Variants in NOL4L observed in about 807,000 individuals in gnomAD.
The protein encoded by NOL4L is nucleolar protein 4-like.
NOL4L carries 7 observed loss-of-function variants against 64.5 expected under a neutral mutation model. The ratio of observed to expected loss-of-function variants is 0.11; its 90% CI spans 0.06 to 0.20. NOL4L has a LOEUF of 0.20. Among genes scored for constraint, NOL4L ranks in the 10% least tolerant of loss-of-function variants. The pLI is 1.00. For synonymous variants in NOL4L, 413 were observed against 401.0 expected, an observed-to-expected ratio of 1.03 and a Z score of -0.36; for missense variants, 680 against 967.1, an observed-to-expected ratio of 0.70 and a Z score of 3.94.
chr20:32,528,023 T>A (rs940930823), intron 1 of NOL4L, 110 bp from the exon 2 acceptor site: 1 of 807,892 alleles, frequency 1.2e-6, no homozygotes, highest in Non-Finnish European at 1.8e-6. Context: ...CGACAGTGGG[T>A]CTTGGGGTGG....
intron 4 of NOL4L, 167 bp downstream of exon 4, chr20:32,511,180 T>G (rs1161523564): frequency 1.8e-6 from 1 of 545,224 alleles, no homozygotes. Context: ...GAGAAACACA[T>G]TCTTGCCTCC....
At chr20:32,482,460 G>C (rs1216886501) in intron 4 of NOL4L, among the ~76,000 whole-genome samples, 1 of 152,152 alleles carries the variant, frequency 6.6e-6, no homozygotes, top group Non-Finnish European at 1.5e-5. Context: ...CTGCTCCCGA[G>C]CGGCTGGAAT....
At chr20:32,458,459 C>T (rs1266941398) in intron 5 of NOL4L, among the ~76,000 whole-genome samples, 1 of 152,188 alleles carries the variant, frequency 6.6e-6, no homozygotes, top group East Asian at 1.9e-4. Context: ...TCCCCTGGCC[C>T]AGGGTCATCG....
chr20:32,488,822 TTTCTTTTTCTTTCTTTCTTTCTTTCTTTC>T (rs2016287887), intron 4 of NOL4L, among the ~76,000 whole-genome samples: 3 of 17,824 alleles, frequency 1.7e-4, no homozygotes. Context: ...TCTTTCTTTC[TTTCTTTTTCTTTCTTTCTTTCTTTCTTTC>T]TTTCTTTCTT....
At chr20:32,521,325 C>T (rs921074728) in intron 2 of NOL4L, among the ~76,000 whole-genome samples, 1 of 152,198 alleles carries the variant, frequency 6.6e-6, no homozygotes, top group African/African-American at 2.4e-5. Flanking sequence ...GATAAATTCA[C>T]TGCCCCAGGC....
intron 4 of NOL4L, among the ~76,000 whole-genome samples, chr20:32,494,272 A>AC (rs2016589263): frequency 6.9e-6 from 1 of 143,956 alleles, no homozygotes; most frequent in Non-Finnish European, 1.5e-5. Flanking sequence ...AAAAAAAAAA[A>AC]AAAAAAAAAA....
intron 3 of NOL4L, among the ~76,000 whole-genome samples, chr20:32,518,064 C>A (rs896729783): frequency 6.6e-6 from 1 of 152,174 alleles, no homozygotes; most frequent in Non-Finnish European, 1.5e-5. Context: ...CAGTGGGGAA[C>A]AGGGCTGCAC....
chr20:32,560,707 T>TTCA (rs1978954530), intron 1 of NOL4L, among the ~76,000 whole-genome samples: 1 of 151,960 alleles, frequency 6.6e-6, no homozygotes, highest in Non-Finnish European at 1.5e-5. Flanking sequence ...ACAGCAAGGA[T>TTCA]TTGGTGGAGT....
intron 1 of NOL4L, among the ~76,000 whole-genome samples, chr20:32,528,742 C>A (rs1422871829): frequency 2.0e-5 from 3 of 152,230 alleles, no homozygotes; most frequent in Admixed American, 6.5e-5. Flanking sequence ...AGGGAACGGA[C>A]TGCTGGGGAA....
intron 1 of NOL4L, among the ~76,000 whole-genome samples, chr20:32,581,344 C>T (rs1324629620): frequency 6.6e-6 from 1 of 152,060 alleles, no homozygotes; most frequent in Admixed American, 6.5e-5. Flanking sequence ...CTGCCCTGGG[C>T]CCGTCCGGAC....
rs775631440 is a variant in NOL4L, at chr20:32,452,992, T to C, written c.1512A>G (p.Pro504=). The change falls in exon 9 of 11, where the codon CCA becomes CCG. Residue 504 remains proline, a synonymous_variant. Coordinates refer to ENST00000621426, the MANE Select transcript of NOL4L (RefSeq NM_001256798.2). ...KNGMEMTRPT[P]PHLTSAMAEN... is the part of the protein sequence containing the mutation. ...CTGCCATGGCCGAGGTCAGATGGGG[T>C]GGCGTGGGTCTGGTCTGCAGGCAGA... 4.3e-6 allele frequency: 7 copies of C among 1,613,526 alleles called. No homozygotes were observed. Among genetic ancestry groups the C allele is most frequent in the Non-Finnish European group, 5.9e-6 (7 of 1,179,994 alleles).
Position 32,559,002 on chromosome 20 carries a change from G to A in NOL4L, c.321+25568C>T, listed in dbSNP as rs1489149105. Among the ~76,000 whole-genome samples, 4 of 152,162 alleles carry A rather than the reference G, an allele frequency of 2.6e-5. No individual in the cohort carries two copies. In the East Asian group the frequency reaches 7.7e-4, roughly 29 times the overall value. Reference sequence around the variant, plus strand: ...TATTCCTCCTTGGATAGTGTGTCCCGTATCTCCAGATGTGTAAACTGAGGC... The same window carrying A: ...TATTCCTCCTTGGATAGTGTGTCCCATATCTCCAGATGTGTAAACTGAGGC... On this transcript the variant is annotated intron_variant, in intron 1 of 10. Coordinates refer to ENST00000621426, the MANE Select transcript of NOL4L (RefSeq NM_001256798.2).
chr20:32,494,753 A>G (rs1234604438), intron 4 of NOL4L, among the ~76,000 whole-genome samples: 1 of 152,234 alleles, frequency 6.6e-6, no homozygotes, highest in African/African-American at 2.4e-5. Context: ...ACAAGGTTGG[A>G]GCAATAGCAG....
intron 1 of NOL4L, among the ~76,000 whole-genome samples, chr20:32,569,576 C>G (rs572467167): frequency 6.6e-6 from 1 of 152,248 alleles, no homozygotes; most frequent in Non-Finnish European, 1.5e-5. Context: ...TCAGAGGAGC[C>G]AGACACTAGG....
chr20:32,522,195 C>G (rs568653184), intron 2 of NOL4L, among the ~76,000 whole-genome samples: 27 of 152,346 alleles, frequency 1.8e-4, no homozygotes, highest in Admixed American at 7.8e-4. Flanking sequence ...GCTCAGCCCA[C>G]TGGCAGAGTC....
At chr20:32,505,914 G>T (rs192543368) in intron 4 of NOL4L, among the ~76,000 whole-genome samples, 179 of 152,180 alleles carry the variant, frequency 1.2e-3, no homozygotes, top group African/African-American at 4.0e-3. Flanking sequence ...TTGCTTAATG[G>T]GTACAGAGTT....
chr20:32,581,347 G>T (rs892882932), intron 1 of NOL4L, among the ~76,000 whole-genome samples: 1 of 148,934 alleles, frequency 6.7e-6, no homozygotes, highest in African/African-American at 2.5e-5. Context: ...CCCTGGGCCC[G>T]TCCGGACAGA....
At chr20:32,556,118 G>T (rs372811443) in intron 1 of NOL4L, among the ~76,000 whole-genome samples, 4 of 152,324 alleles carry the variant, frequency 2.6e-5, no homozygotes, top group African/African-American at 9.6e-5. Context: ...CTAAATACAT[G>T]CGGAGTGAGA....
At chr20:32,484,723 C>G (rs962015848) in intron 4 of NOL4L, among the ~76,000 whole-genome samples, 24 of 152,230 alleles carry the variant, frequency 1.6e-4, no homozygotes, top group Middle Eastern at 3.4e-3. Flanking sequence ...ACGCACTGTC[C>G]GTGGAGACGG....
Sources: allele counts gnomAD v4.1 joint callset (sites outside exome capture counted in the v4.1 genomes callset), GRCh38; gene constraint gnomAD v4.1.1; transcripts MANE v1.5; gene names NCBI Gene and HGNC (gene_info 2026-07-23, HGNC 2026-07-21).